PARD3B: variants seen among roughly 807,000 people sequenced by gnomAD.
PARD3B encodes par-3 family cell polarity regulator beta, also known as partitioning defective 3 homolog B.
In PARD3B, 103 loss-of-function variants were observed where a neutral mutation model predicts 130.2. The observed-to-expected ratio is 0.79, with a 90% confidence interval of 0.67 to 0.93. The LOEUF is 0.93. Among genes scored for constraint, PARD3B ranks in the 40% least tolerant of loss-of-function variants. The pLI is 0.00. For synonymous variants in PARD3B, 583 were observed against 553.2 expected, an observed-to-expected ratio of 1.05 and a Z score of -0.76; for missense variants, 1,609 against 1,499.2, an observed-to-expected ratio of 1.07 and a Z score of -1.21.
At position 205,160,291 on chromosome 2, in the gene PARD3B, T is replaced by G. The variant is rs963906464; in HGVS notation, c.1620+1384T>G. On this transcript the variant is annotated intron_variant, in intron 11 of 22. Coordinates refer to ENST00000406610, the MANE Select transcript of PARD3B (RefSeq NM_001302769.2). This position sits in a 1 kb window ranked among gnomAD's most constrained non-coding sequence, Gnocchi z 4.0. ...GCTGGGGTTTGGGTAGGATTCTGATTCAGGCTGGTGTCTCTTGATCCCACT... is the reference window on the plus strand; with the variant it reads ...GCTGGGGTTTGGGTAGGATTCTGATGCAGGCTGGTGTCTCTTGATCCCACT... Among the ~76,000 whole-genome samples the G allele has an allele frequency of 2.6e-5, 4 of 152,220 alleles. No homozygotes were observed. Among genetic ancestry groups the G allele is most frequent in the Admixed American group, 1.3e-4 (2 of 15,278 alleles).
At position 205,325,526 on chromosome 2, in the gene PARD3B, T is replaced by TTAGTAG. The variant is rs56071229; in HGVS notation, c.2630+23842_2630+23847dup. On this transcript the variant is annotated intron_variant, in intron 18 of 22. Coordinates refer to ENST00000406610, the MANE Select transcript of PARD3B (RefSeq NM_001302769.2). This position sits in a 1 kb window ranked among gnomAD's most constrained non-coding sequence, Gnocchi z 4.1. ...TTTACTAATATCATCTCATTGTTTA[T>TTAGTAG]TAGTAGTAGTAGTAGTAGTAGTCTC... 0.27 allele frequency among the ~76,000 whole-genome samples: 40,222 copies of TTAGTAG among 150,492 alleles called. 7,532 individuals carry two copies. Among genetic ancestry groups the TTAGTAG allele is most frequent in the African/African-American group, 0.53 (21,722 of 40,948 alleles).
chr2:204,749,834 C>T (rs948262072), intron 2 of PARD3B, among the ~76,000 whole-genome samples: 3 of 152,120 alleles, frequency 2.0e-5, no homozygotes, highest in Admixed American at 1.3e-4. Context: ...TCGCCTCATA[C>T]GGCATGCTGG....
intron 11 of PARD3B, among the ~76,000 whole-genome samples, chr2:205,166,169 G>T (rs906479864): frequency 6.6e-6 from 1 of 152,140 alleles, no homozygotes; most frequent in Non-Finnish European, 1.5e-5. Flanking sequence ...TATAATCTAG[G>T]AAGGTAGTAA....
intron 20 of PARD3B, among the ~76,000 whole-genome samples, chr2:205,484,686 A>G (rs750781480): frequency 2.4e-4 from 36 of 152,208 alleles, no homozygotes; most frequent in Non-Finnish European, 1.2e-4. Flanking sequence ...GACGGAACAT[A>G]TAGATTACAG....
At chr2:205,379,180 A>C (rs1175043577) in intron 18 of PARD3B, among the ~76,000 whole-genome samples, 1 of 152,198 alleles carries the variant, frequency 6.6e-6, no homozygotes, top group Non-Finnish European at 1.5e-5. Context: ...CAAAGGCTCC[A>C]TAATTCAGCT....
chr2:205,497,427 ATTTT>A (rs3077795), intron 20 of PARD3B, among the ~76,000 whole-genome samples: 14 of 123,686 alleles, frequency 1.1e-4, no homozygotes, highest in African/African-American at 2.4e-4. Flanking sequence ...TTTACTCACC[ATTTT>A]TTTTTTTTTT....
intron 20 of PARD3B, among the ~76,000 whole-genome samples, chr2:205,497,003 G>T (rs1233566513): frequency 6.6e-6 from 1 of 151,830 alleles, no homozygotes; most frequent in Non-Finnish European, 1.5e-5. Context: ...AGACACCATG[G>T]TCATCTCGTA....
intron 2 of PARD3B, among the ~76,000 whole-genome samples, chr2:204,719,156 G>A (rs1559085938): frequency 1.3e-5 from 2 of 152,042 alleles, no homozygotes; most frequent in Non-Finnish European, 2.9e-5. Context: ...GCTTCATTTT[G>A]TTAAAGACGG....
In PARD3B at chr2:205,397,154, A is replaced by AGTTTTT. The variant is rs1300603368; in HGVS notation, c.2631-3846_2631-3841dup. ...AATTTCCTCATCTTAACAATGCGGG[A>AGTTTTT]GTTTTTGTTTTTGTTTTTAAGATTA... On this transcript the variant is annotated intron_variant, in intron 18 of 22. Coordinates refer to ENST00000406610, the MANE Select transcript of PARD3B (RefSeq NM_001302769.2). The surrounding 1 kb of genome is among the most constrained non-coding windows in gnomAD (Gnocchi z 4.8). Among the ~76,000 whole-genome samples, 5 of 152,168 alleles carry AGTTTTT rather than the reference A, an allele frequency of 3.3e-5. No homozygotes were observed. Among genetic ancestry groups the AGTTTTT allele is most frequent in the East Asian group, 1.9e-4 (1 of 5,200 alleles).
intron 1 of PARD3B, among the ~76,000 whole-genome samples, chr2:204,630,937 G>GT (rs1559195287): frequency 6.6e-6 from 1 of 151,842 alleles, no homozygotes; most frequent in Non-Finnish European, 1.5e-5. Context: ...TTTTTGAAGG[G>GT]TTTTTTATGT....
At chr2:205,586,212 C>T (rs548347252) in intron 22 of PARD3B, among the ~76,000 whole-genome samples, 5 of 152,280 alleles carry the variant, frequency 3.3e-5, no homozygotes, top group African/African-American at 1.2e-4. Flanking sequence ...TAATAAATCT[C>T]CATAAAAAGC....
intron 3 of PARD3B, among the ~76,000 whole-genome samples, chr2:205,004,272 G>A (rs1695076887): frequency 1.3e-5 from 2 of 152,204 alleles, no homozygotes; most frequent in African/African-American, 4.8e-5. Context: ...CAGTGCAGAT[G>A]ATGAGAAATA....
At chr2:205,157,768 A>G (rs1424974523) in intron 10 of PARD3B, among the ~76,000 whole-genome samples, 2 of 152,198 alleles carry the variant, frequency 1.3e-5, no homozygotes, top group African/African-American at 4.8e-5. Flanking sequence ...CAGATTTTTC[A>G]GTTGAACACT....
At chr2:204,704,962 T>C (rs1021908305) in intron 2 of PARD3B, among the ~76,000 whole-genome samples, 4 of 152,168 alleles carry the variant, frequency 2.6e-5, no homozygotes, top group African/African-American at 9.7e-5. Context: ...GTAGTAGTAT[T>C]TATTAGAGCT....
chr2:204,622,929 A>T (rs1372018551), intron 1 of PARD3B, among the ~76,000 whole-genome samples: 1 of 152,190 alleles, frequency 6.6e-6, no homozygotes, highest in Non-Finnish European at 1.5e-5. Context: ...GTTCTGTTAA[A>T]GTAAGTGAAT....
chr2:205,517,269 C>G (rs2050830418), intron 21 of PARD3B, among the ~76,000 whole-genome samples: 1 of 151,996 alleles, frequency 6.6e-6, no homozygotes, highest in Non-Finnish European at 1.5e-5. Context: ...AGAATGATGC[C>G]AGCCTCATAG....
intron 3 of PARD3B, among the ~76,000 whole-genome samples, chr2:205,039,908 A>G (rs1306670049): frequency 6.6e-6 from 1 of 152,206 alleles, no homozygotes; most frequent in African/African-American, 2.4e-5. Flanking sequence ...GTAGAAATAA[A>G]GTTCAAAAGA....
chr2:204,797,657 C>T (rs1390996774), intron 2 of PARD3B, among the ~76,000 whole-genome samples: 1 of 152,168 alleles, frequency 6.6e-6, no homozygotes, highest in Non-Finnish European at 1.5e-5. Flanking sequence ...TTCAAAGCTT[C>T]CTTCATTTGT....
chr2:205,030,562 AT>A (rs1559369662), intron 3 of PARD3B, among the ~76,000 whole-genome samples: 1 of 152,106 alleles, frequency 6.6e-6, no homozygotes, highest in Non-Finnish European at 1.5e-5. Context: ...TGACATAAAT[AT>A]TGATGTTGTT....
Sources: gnomAD v4.1 joint callset for allele counts (sites outside exome capture counted in the v4.1 genomes callset) on GRCh38, gnomAD v4.1.1 for gene constraint, Gnocchi (gnomAD v3.1) non-coding constraint, MANE v1.5 for transcripts, NCBI Gene and HGNC (gene_info 2026-07-23, HGNC 2026-07-21) for gene names.